CUBN: variants seen among roughly 807,000 people sequenced by gnomAD.
The protein encoded by CUBN is 460 kDa receptor.
Under a neutral mutation model 405.3 loss-of-function variants are expected in CUBN, and 282 were observed. The observed-to-expected ratio is 0.70, with a 90% CI of 0.63 to 0.77. The LOEUF (loss-of-function observed/expected upper bound fraction) is 0.77. Ranked by LOEUF, CUBN falls within the 30% of genes least tolerant of loss-of-function variation. The pLI is 0.00. For missense variants in CUBN, 4,514 were observed against 4,475.2 expected, an observed-to-expected ratio of 1.01 and a Z score of -0.25; for synonymous variants, 1,684 against 1,617.0, an observed-to-expected ratio of 1.04 and a Z score of -0.99.
intron 28 of CUBN, among the ~76,000 whole-genome samples, chr10:17,002,240 GA>G (rs796712910): frequency 2.7e-3 from 398 of 147,786 alleles, no homozygotes; most frequent in African/African-American, 9.2e-3. Flanking sequence ...ATTTGAAACT[GA>G]AAAAAAAAAG....
At chr10:16,860,054 G>GTTA (rs1444357673) in intron 59 of CUBN, among the ~76,000 whole-genome samples, 10 of 151,972 alleles carry the variant, frequency 6.6e-5, no homozygotes, top group Non-Finnish European at 1.3e-4. Flanking sequence ...AGAGTCACAG[G>GTTA]ATGTATAAAT....
chr10:16,952,438 CTGACCGTACAAAACAATTATTT>C, intron 32 of CUBN, 49 bp from the exon 33 acceptor site: 1 of 1,089,570 alleles, frequency 9.2e-7, no homozygotes. Context: ...TTCATTTCTA[CTGACCGTACAAAACAATTATTT>C]GATGAATAAA....
intron 59 of CUBN, among the ~76,000 whole-genome samples, chr10:16,864,794 G>T (rs2131359561): frequency 6.6e-6 from 1 of 150,914 alleles, no homozygotes; most frequent in South Asian, 2.1e-4. Flanking sequence ...GGGATTACAG[G>T]CATGTGCCAC....
chr10:16,869,884 T>C (rs765425290), intron 58 of CUBN, 31 bp from the exon 59 acceptor site: 130 of 1,478,830 alleles, frequency 8.8e-5, no homozygotes, highest in Middle Eastern at 5.2e-4. Flanking sequence ...ATACTGATGT[T>C]TCCATTTGGA....
chr10:16,900,991 C>CA (rs1841345745), intron 52 of CUBN, 141 bp from the exon 53 acceptor site: 7 of 729,138 alleles, frequency 9.6e-6, no homozygotes, highest in Non-Finnish European at 1.6e-5. Flanking sequence ...TTCCCCTCTA[C>CA]TTTTTTTTCC....
intron 59 of CUBN, among the ~76,000 whole-genome samples, chr10:16,854,001 T>A (rs907333656): frequency 3.3e-5 from 5 of 152,172 alleles, no homozygotes; most frequent in African/African-American, 1.2e-4. Context: ...AGATAAATAA[T>A]GATGACGCAA....
intron 28 of CUBN, among the ~76,000 whole-genome samples, chr10:17,015,097 G>A (rs559285417): frequency 6.6e-6 from 1 of 152,224 alleles, no homozygotes; most frequent in Non-Finnish European, 1.5e-5. Context: ...TTGGGGTGTT[G>A]CAGGGACTGC....
chr10:16,976,291 A>C (rs1456693002), intron 31 of CUBN, among the ~76,000 whole-genome samples: 35 of 152,108 alleles, frequency 2.3e-4, no homozygotes, highest in Non-Finnish European at 8.8e-5. Context: ...TTCTTAAAGG[A>C]ATTTTAGGAG....
At chr10:16,890,989 G>A (rs1432563904) in intron 54 of CUBN, among the ~76,000 whole-genome samples, 2 of 152,282 alleles carry the variant, frequency 1.3e-5, no homozygotes, top group East Asian at 1.9e-4. Context: ...TGAATTCCAA[G>A]TATACGTATA....
chr10:17,116,511 A>T (rs993655652), intron 6 of CUBN, among the ~76,000 whole-genome samples: 1 of 152,162 alleles, frequency 6.6e-6, no homozygotes, highest in East Asian at 1.9e-4. Flanking sequence ...TCATGGGGGA[A>T]ATGACTGTTG....
intron 31 of CUBN, among the ~76,000 whole-genome samples, chr10:16,955,614 C>G (rs564045132): frequency 2.0e-5 from 3 of 152,206 alleles, no homozygotes; most frequent in Non-Finnish European, 4.4e-5. Flanking sequence ...ATGTGTAAAT[C>G]AGGGGGGAAA....
intron 35 of CUBN, among the ~76,000 whole-genome samples, chr10:16,947,760 C>T (rs1842826463): frequency 6.6e-6 from 1 of 152,222 alleles, no homozygotes; most frequent in Non-Finnish European, 1.5e-5. Flanking sequence ...AATGCACACA[C>T]CAATCTTCTA....
chr10:17,070,397 T>TACC (rs1835712955), intron 19 of CUBN, among the ~76,000 whole-genome samples: 1 of 152,186 alleles, frequency 6.6e-6, no homozygotes, highest in Non-Finnish European at 1.5e-5. Flanking sequence ...TGTATTTTTT[T>TACC]AAAAGAGCCC....
At chr10:17,060,069 C>T (rs185951267) in intron 22 of CUBN, among the ~76,000 whole-genome samples, 2 of 150,990 alleles carry the variant, frequency 1.3e-5, no homozygotes, top group African/African-American at 4.8e-5. Context: ...AAATATGAAC[C>T]CAAGTTCCCT....
At chr10:16,861,221 C>T (rs1196340266) in intron 59 of CUBN, among the ~76,000 whole-genome samples, 1 of 150,772 alleles carries the variant, frequency 6.6e-6, no homozygotes, top group Non-Finnish European at 1.5e-5. Flanking sequence ...GAGTGCAGTG[C>T]TGTGATCTCC....
intron 33 of CUBN, among the ~76,000 whole-genome samples, chr10:16,951,824 C>T (rs546410414): frequency 3.3e-5 from 5 of 152,122 alleles, no homozygotes; most frequent in East Asian, 1.9e-4. Flanking sequence ...CATTCTGGCC[C>T]GTGAGTCACT....
intron 59 of CUBN, among the ~76,000 whole-genome samples, chr10:16,865,629 C>T (rs1045017934): frequency 1.3e-5 from 2 of 151,978 alleles, no homozygotes; most frequent in African/African-American, 4.8e-5. Context: ...TAAAATGCAC[C>T]AATCAACGCT....
intron 45 of CUBN, among the ~76,000 whole-genome samples, chr10:16,916,345 C>T (rs1403900238): frequency 6.6e-6 from 1 of 152,208 alleles, no homozygotes; most frequent in African/African-American, 2.4e-5. Context: ...CTAATAGTCG[C>T]AAGTAAGTTT....
chr10:17,109,772 T>C (rs1209638833), intron 9 of CUBN, 37 bp from the exon 10 acceptor site: 1 of 1,521,326 alleles, frequency 6.6e-7, no homozygotes. Flanking sequence ...AGAAACAATG[T>C]CAAGAAGATG....
Sources: gnomAD v4.1 joint callset for allele counts (sites outside exome capture counted in the v4.1 genomes callset) on GRCh38, gnomAD v4.1.1 for gene constraint, MANE v1.5 for transcripts, NCBI Gene and HGNC (gene_info 2026-07-23, HGNC 2026-07-21) for gene names.